The following PLGRKT variants were observed in gnomAD, a reference collection of about 807,000 sequenced individuals.
PLGRKT encodes the protein plasminogen receptor with a C-terminal lysine, also known as plasminogen receptor (KT).
In PLGRKT, 22 loss-of-function variants were observed where a neutral mutation model predicts 18.5. That is an observed-to-expected ratio of 1.19 (90% confidence interval 0.85 to 1.70). PLGRKT has a LOEUF of 1.70. Among genes scored for constraint, PLGRKT ranks in the 40% most tolerant of loss-of-function variants. The pLI is 0.00. For missense variants in PLGRKT, 235 were observed against 174.4 expected (o/e 1.35, Z -1.96); for synonymous variants, 72 against 52.8 (o/e 1.36, Z -1.58).
In PLGRKT at chr9:5,404,724, A is replaced by G. The variant is rs577282960; in HGVS notation, c.81+27173T>C. 1.6e-3 allele frequency among the ~76,000 whole-genome samples: 237 copies of G among 152,290 alleles called. 2 individuals carry two copies. The highest frequency in any genetic ancestry group is 5.2e-3 in the African/African-American group (217 of 41,570). ...TCCCCTTGAAAACCAGCACAAGACA[A>G]GGATGCCCTCTCTCACCACTCCTAT... On this transcript the variant is annotated intron_variant, in intron 3 of 5. Transcript: ENST00000223864.
Position 5,377,673 on chromosome 9 carries a change from C to T in PLGRKT, c.82-15785G>A, listed in dbSNP as rs141438435. Reference sequence around the variant, plus strand: ...GCAGACTCTAGGGAGGACTATTCTGCCTATAAGAATGCCGGAGAAGCTCCA... The same window carrying T: ...GCAGACTCTAGGGAGGACTATTCTGTCTATAAGAATGCCGGAGAAGCTCCA... On this transcript the variant is annotated intron_variant, in intron 3 of 5. Coordinates refer to ENST00000223864, the MANE Select transcript of PLGRKT (RefSeq NM_018465.4). Among the ~76,000 whole-genome samples, 225 of 152,246 alleles carry T rather than the reference C, an allele frequency of 1.5e-3. 1 individual carries two copies. The highest frequency in any genetic ancestry group is 4.9e-3 in the African/African-American group (204 of 41,546).
At chr9:5,390,319 G>C (rs1378520356) in intron 3 of PLGRKT, among the ~76,000 whole-genome samples, 2 of 151,506 alleles carry the variant, frequency 1.3e-5, no homozygotes, top group Non-Finnish European at 2.9e-5. Context: ...CGAAGACCTA[G>C]ACATGTGACA....
intron 3 of PLGRKT, among the ~76,000 whole-genome samples, chr9:5,399,492 C>T (rs1045194464): frequency 6.6e-6 from 1 of 151,452 alleles, no homozygotes; most frequent in Non-Finnish European, 1.5e-5. Context: ...TTGTCCGGTC[C>T]TTGCAAGTGA....
chr9:5,390,912 T>C (rs1225018211), intron 3 of PLGRKT, among the ~76,000 whole-genome samples: 1 of 151,918 alleles, frequency 6.6e-6, no homozygotes, highest in African/African-American at 2.4e-5. Flanking sequence ...CTAACATAAT[T>C]CTCAATTGTC....
At chr9:5,377,863 C>T (rs879607799) in intron 3 of PLGRKT, among the ~76,000 whole-genome samples, 7 of 152,126 alleles carry the variant, frequency 4.6e-5, no homozygotes, top group Non-Finnish European at 8.8e-5. Flanking sequence ...AAGAGAAGAG[C>T]TGATATCGAG....
At chr9:5,363,191 C>A (rs1454026800) in intron 3 of PLGRKT, among the ~76,000 whole-genome samples, 1 of 151,900 alleles carries the variant, frequency 6.6e-6, no homozygotes, top group Non-Finnish European at 1.5e-5. Flanking sequence ...CACTGGATCC[C>A]AGAGGATCAG....
chr9:5,421,023 C>T (rs7043379), intron 3 of PLGRKT, among the ~76,000 whole-genome samples: 2,414 of 152,168 alleles, frequency 0.016, 59 homozygotes, highest in African/African-American at 0.055. Context: ...TTGCAAAAAC[C>T]ATCAGGTCAC....
At chr9:5,412,970 C>G (rs1233772771) in intron 3 of PLGRKT, among the ~76,000 whole-genome samples, 1 of 152,018 alleles carries the variant, frequency 6.6e-6, no homozygotes, top group Non-Finnish European at 1.5e-5. Flanking sequence ...ATAAATGGCC[C>G]TCAAATGTGA....
intron 3 of PLGRKT, among the ~76,000 whole-genome samples, chr9:5,371,986 C>CTT (rs71326158): frequency 1.1e-5 from 1 of 89,144 alleles, no homozygotes. Flanking sequence ...TCAGAAAATC[C>CTT]TTTTTTTTTT....
In PLGRKT at chr9:5,412,304, A is replaced by G. The variant is rs540923432; in HGVS notation, c.81+19593T>C. ...ATATCATATATGAGAATAAACCCCAAATGGATTTGGAATCTAAATGTCAAT... is the reference window on the plus strand; with the variant it reads ...ATATCATATATGAGAATAAACCCCAGATGGATTTGGAATCTAAATGTCAAT... On this transcript the variant is annotated intron_variant, in intron 3 of 5. Transcript: ENST00000223864. Among the ~76,000 whole-genome samples the G allele has an allele frequency of 4.6e-5, 7 of 152,300 alleles. No individual in the cohort carries two copies. The East Asian group carries it at 1.3e-3, about 29-fold the overall frequency.
At position 5,433,361 on chromosome 9, in the gene PLGRKT, G is replaced by C. The variant is rs117826973; in HGVS notation, c.-6-1378C>G. ...TGACCGCCCATCGTCTGGGGTGTGAGGAGCATCTCTGCCTGACCGTCCACC... is the reference window on the plus strand; with the variant it reads ...TGACCGCCCATCGTCTGGGGTGTGACGAGCATCTCTGCCTGACCGTCCACC... On this transcript the variant is annotated intron_variant, in intron 2 of 5. Coordinates refer to ENST00000223864, the MANE Select transcript of PLGRKT (RefSeq NM_018465.4). Among the ~76,000 whole-genome samples, 99 of 150,620 alleles carry C rather than the reference G, an allele frequency of 6.6e-4. No homozygotes were observed. In the East Asian group the frequency reaches 0.011, roughly 16 times the overall value.
At chr9:5,401,199 C>G (rs1388737559) in intron 3 of PLGRKT, among the ~76,000 whole-genome samples, 1 of 151,602 alleles carries the variant, frequency 6.6e-6, no homozygotes, top group Admixed American at 6.6e-5. Context: ...ACACAAGACA[C>G]AGGACTATAA....
chr9:5,382,175 G>C (rs747635700), intron 3 of PLGRKT: 2 of 248,708 alleles, frequency 8.0e-6, no homozygotes, highest in Non-Finnish European at 1.3e-5. Flanking sequence ...CATTCATGGA[G>C]AGTTCAGGCA....
chr9:5,369,894 C>T (rs567257607), intron 3 of PLGRKT, among the ~76,000 whole-genome samples: 11 of 152,098 alleles, frequency 7.2e-5, no homozygotes, highest in Non-Finnish European at 1.2e-4. Context: ...ACAATGAGAA[C>T]AAATGGACAC....
chr9:5,399,443 ATT>A (rs922282466), intron 3 of PLGRKT, among the ~76,000 whole-genome samples: 1 of 151,524 alleles, frequency 6.6e-6, no homozygotes, highest in African/African-American at 2.4e-5. Context: ...CAATAGGCAG[ATT>A]TTTTTTCCCT....
At chr9:5,409,785 T>A (rs954961368) in intron 3 of PLGRKT, among the ~76,000 whole-genome samples, 1 of 152,208 alleles carries the variant, frequency 6.6e-6, no homozygotes, top group Non-Finnish European at 1.5e-5. Flanking sequence ...GGGTTTTAGA[T>A]GCATGGGGCC....
chr9:5,406,383 G>T (rs1313943948), intron 3 of PLGRKT, among the ~76,000 whole-genome samples: 1 of 152,128 alleles, frequency 6.6e-6, no homozygotes, highest in African/African-American at 2.4e-5. Flanking sequence ...TAACAGACTG[G>T]ATAAAGAAAG....
intron 3 of PLGRKT, among the ~76,000 whole-genome samples, chr9:5,369,337 A>G (rs1431651397): frequency 6.6e-6 from 1 of 152,222 alleles, no homozygotes; most frequent in African/African-American, 2.4e-5. Context: ...ACATATGAAA[A>G]AATGCTCATC....
chr9:5,416,138 T>A (rs73641604), intron 3 of PLGRKT, among the ~76,000 whole-genome samples: 5,296 of 152,082 alleles, frequency 0.035, 291 homozygotes, highest in African/African-American at 0.12. Flanking sequence ...ACATTTTTTT[T>A]AAAAATATGG....
Sources: gnomAD v4.1 joint callset for allele counts (sites outside exome capture counted in the v4.1 genomes callset) on GRCh38, gnomAD v4.1.1 for gene constraint, MANE v1.5 for transcripts, NCBI Gene and HGNC (gene_info 2026-07-23, HGNC 2026-07-21) for gene names.